COL4A2: variants seen among roughly 807,000 people sequenced by gnomAD.
COL4A2 encodes the protein collagen alpha-2(IV) chain.
Under a neutral mutation model 200.2 loss-of-function variants are expected in COL4A2, and 99 were observed. The ratio of observed to expected loss-of-function variants is 0.49; its 90% CI spans 0.42 to 0.58. The LOEUF (loss-of-function observed/expected upper bound fraction) is 0.58. Among genes scored for constraint, COL4A2 ranks in the 20% least tolerant of loss-of-function variants. COL4A2 has a pLI of 0.00. For missense variants in COL4A2, 1,950 were observed against 2,314.1 expected, an observed-to-expected ratio of 0.84 and a Z score of 3.23; for synonymous variants, 897 against 900.6, an observed-to-expected ratio of 1.00 and a Z score of 0.07.
At chr13:110,369,657 G>A (rs1016015214) in intron 4 of COL4A2, among the ~76,000 whole-genome samples, 11 of 152,106 alleles carry the variant, frequency 7.2e-5, no homozygotes, top group African/African-American at 2.7e-4. Flanking sequence ...CTGCAACAAA[G>A]GAAAATTTTA....
intron 4 of COL4A2, among the ~76,000 whole-genome samples, chr13:110,360,630 G>A (rs539197869): frequency 1.3e-5 from 2 of 152,110 alleles, no homozygotes; most frequent in Non-Finnish European, 2.9e-5. Flanking sequence ...ATGAAAAATC[G>A]ACACCTTCTG....
chr13:110,445,407 C>A (rs571170121), intron 16 of COL4A2, among the ~76,000 whole-genome samples: 1 of 152,228 alleles, frequency 6.6e-6, no homozygotes, highest in African/African-American at 2.4e-5. Flanking sequence ...AGCCTCCAGC[C>A]CTAATGACTC....
At position 110,480,264 on chromosome 13, in the gene COL4A2, G is replaced by C. The variant is rs1222123658; in HGVS notation, c.2632G>C (p.Gly878Arg). 3 of 1,613,492 alleles carry C rather than the reference G, an allele frequency of 1.9e-6. No homozygotes were observed. The highest frequency in any genetic ancestry group is 1.7e-6 in the Non-Finnish European group (2 of 1,179,704). Residue 878 changes from glycine (G) to arginine (R), a missense_variant, in exon 31 of 48, where the codon GGC (glycine) becomes CGC (arginine). By Grantham distance (125) the Gly-to-Arg change is moderately radical. This residue lies in a region of COL4A2 where 1,385 missense variants were observed against 1,720.5 expected (regional missense o/e 0.80). Transcript: ENST00000360467. ...GGACCCTGGGGACACAGGCGCTCCTGGCCCTGTGGGCATGAAAGGTCTCTC... is the reference window on the plus strand; with the variant it reads ...GGACCCTGGGGACACAGGCGCTCCTCGCCCTGTGGGCATGAAAGGTCTCTC... ...RGDPGDTGAPGPVGMKGLSGD... is the reference protein window; with the variant it reads ...RGDPGDTGAPRPVGMKGLSGD...
chr13:110,314,894 A>G (rs1885091636), intron 3 of COL4A2, among the ~76,000 whole-genome samples: 1 of 152,330 alleles, frequency 6.6e-6, no homozygotes, highest in African/African-American at 2.4e-5. Context: ...CCTCCTGCAC[A>G]CGTGGGTCAC....
chr13:110,448,112 T>G (rs893041397), intron 18 of COL4A2, among the ~76,000 whole-genome samples: 1 of 152,138 alleles, frequency 6.6e-6, no homozygotes, highest in African/African-American at 2.4e-5. Context: ...GCCTCATCCA[T>G]GGCGCACACC....
At chr13:110,333,465 C>T (rs1358709430) in intron 3 of COL4A2, among the ~76,000 whole-genome samples, 2 of 152,160 alleles carry the variant, frequency 1.3e-5, no homozygotes, top group Non-Finnish European at 2.9e-5. Flanking sequence ...TGTTCTGGTA[C>T]CTACAGGCTC....
intron 47 of COL4A2, among the ~76,000 whole-genome samples, chr13:110,510,138 G>A (rs145595658): frequency 8.5e-5 from 13 of 152,350 alleles, no homozygotes; most frequent in Non-Finnish European, 1.3e-4. Flanking sequence ...CTGCCCCACC[G>A]TCCCCAGTGG....
At chr13:110,356,249 G>A (rs779001555) in intron 3 of COL4A2, among the ~76,000 whole-genome samples, 20 of 152,104 alleles carry the variant, frequency 1.3e-4, no homozygotes, top group South Asian at 2.1e-4. Flanking sequence ...CACTCAATGG[G>A]GTCACCCACT....
chr13:110,504,919 T>A (rs1170410047), intron 45 of COL4A2, among the ~76,000 whole-genome samples: 2 of 151,904 alleles, frequency 1.3e-5, no homozygotes, highest in African/African-American at 2.4e-5. Context: ...TCTTATTTTT[T>A]AAAATTATTT....
chr13:110,319,346 TG>T (rs1245195335), intron 3 of COL4A2, among the ~76,000 whole-genome samples: 1 of 152,172 alleles, frequency 6.6e-6, no homozygotes, highest in Non-Finnish European at 1.5e-5. Flanking sequence ...CCAGAACAAA[TG>T]GAAACACTTA....
At chr13:110,485,280 T>G (rs1883076266) in intron 33 of COL4A2, among the ~76,000 whole-genome samples, 1 of 151,962 alleles carries the variant, frequency 6.6e-6, no homozygotes, top group African/African-American at 2.4e-5. Flanking sequence ...TCCCAGCACT[T>G]TGGGAGGCCG....
intron 10 of COL4A2, 46 bp downstream of exon 10, chr13:110,430,653 C>T (rs1332266230): frequency 6.2e-7 from 1 of 1,612,500 alleles, no homozygotes; most frequent in Non-Finnish European, 8.5e-7. Flanking sequence ...ATCGTCCGGT[C>T]ATCCCTTCCA....
At chr13:110,352,759 C>G (rs1877019306) in intron 3 of COL4A2, among the ~76,000 whole-genome samples, 1 of 152,176 alleles carries the variant, frequency 6.6e-6, no homozygotes, top group Non-Finnish European at 1.5e-5. Context: ...GTCAGGCATT[C>G]TCCAGGGAGT....
chr13:110,503,079 G>A (rs1883706792), intron 41 of COL4A2, 42 bp from the exon 42 acceptor site: 3 of 1,592,532 alleles, frequency 1.9e-6, no homozygotes, highest in Non-Finnish European at 2.6e-6. Flanking sequence ...GGGGCCTTGG[G>A]GCCCTGTTTA....
At position 110,484,508 on chromosome 13, in the gene COL4A2, G is replaced by A. The variant is rs145935873; in HGVS notation, c.2903-397G>A. Among the ~76,000 whole-genome samples, 3 of 152,260 alleles carry A rather than the reference G, an allele frequency of 2.0e-5. No individual in the cohort carries two copies. The East Asian group carries it at 5.8e-4, about 29-fold the overall frequency. On this transcript the variant is annotated intron_variant, in intron 32 of 47. Coordinates refer to ENST00000360467, the MANE Select transcript of COL4A2 (RefSeq NM_001846.4). ...TGTGAAGGTGCCTACAGGAGGGCAC[G>A]GAGCTGGCGCCTGCCTCACGGGCCT...
intron 3 of COL4A2, among the ~76,000 whole-genome samples, chr13:110,322,018 G>A (rs2139352333): frequency 6.6e-6 from 1 of 152,326 alleles, no homozygotes; most frequent in South Asian, 2.1e-4. Context: ...TGTAGTGAGT[G>A]GCAGAATTTC....
chr13:110,421,495 ACT>A (rs1880250015), intron 4 of COL4A2, among the ~76,000 whole-genome samples: 2 of 152,214 alleles, frequency 1.3e-5, no homozygotes, highest in African/African-American at 4.8e-5. Context: ...ACATCGTATG[ACT>A]GATTCTATTT....
At chr13:110,375,482 T>G (rs1489357291) in intron 4 of COL4A2, among the ~76,000 whole-genome samples, 1 of 152,104 alleles carries the variant, frequency 6.6e-6, no homozygotes, top group Non-Finnish European at 1.5e-5. Flanking sequence ...TCCCTGCAAA[T>G]AGGGCTCCCA....
At chr13:110,486,656 A>T (rs1208814484) in intron 34 of COL4A2, among the ~76,000 whole-genome samples, 1 of 152,122 alleles carries the variant, frequency 6.6e-6, no homozygotes, top group East Asian at 1.9e-4. Context: ...TCAAGCTGTT[A>T]ATTTCACCTG....
Sources: gnomAD v4.1 joint callset for allele counts (sites outside exome capture counted in the v4.1 genomes callset) on GRCh38, gnomAD v4.1.1 for gene constraint, gnomAD v4.1.1 regional missense constraint, MANE v1.5 for transcripts, NCBI Gene and HGNC (gene_info 2026-07-23, HGNC 2026-07-21) for gene names.